The following AMOT variants were observed in gnomAD, a reference collection of about 807,000 sequenced individuals.
AMOT encodes angiomotin.
A neutral mutation model predicts 67.0 loss-of-function variants in AMOT; 11 were observed. The observed-to-expected ratio is 0.16, with a 90% CI of 0.10 to 0.27. AMOT has a LOEUF of 0.27. AMOT is among the 10% of genes least tolerant of loss of function. The pLI is 1.00. For missense variants in AMOT, 753 were observed against 852.0 expected, an observed-to-expected ratio of 0.88 and a Z score of 1.45; for synonymous variants, 326 against 321.4, an observed-to-expected ratio of 1.01 and a Z score of -0.15.
chrX:112,832,566 T>C (rs1396891766), intron 1 of AMOT, among the ~76,000 whole-genome samples, 196 bp from the exon 2 acceptor site: 3 of 111,938 alleles, frequency 2.7e-5, no homozygotes, highest in East Asian at 2.8e-4. Context: ...CTCCACAGAA[T>C]TGCCCCTCCA....
chrX:112,805,939 A>G (rs1414591036), intron 7 of AMOT, among the ~76,000 whole-genome samples: 1 of 111,650 alleles, frequency 9.0e-6, no homozygotes, highest in Non-Finnish European at 1.9e-5. Context: ...CTTTAAGCCT[A>G]TTAGAGTTTG....
rs775417489 is a variant in AMOT at position 112,791,807 on chromosome X, CT to C, written c.1926+24del. 2.1e-3 allele frequency: 2,472 copies of C among 1,195,744 alleles called. 8 individuals carry two copies. The highest frequency in any genetic ancestry group is 1.9e-3 in the Non-Finnish European group (1,728 of 887,703). On this transcript the variant is annotated intron_variant, in intron 9 of 13. Coordinates refer to ENST00000371959, the MANE Select transcript of AMOT (RefSeq NM_001113490.2). ...ATGTCATTTTCTTACTTTTTTTTCC[CT>C]TTCTTCCTTTAAGTTCTCCATACCT...
At chrX:112,811,438 T>C in intron 5 of AMOT, 45 bp from the exon 6 acceptor site, 1 of 1,175,341 alleles carries the variant, frequency 8.5e-7, no homozygotes, top group Non-Finnish European at 1.1e-6. Flanking sequence ...AGGAGGGTGA[T>C]GGGGAAAATG....
chrX:112,827,857 C>G (rs1221803657), intron 2 of AMOT, among the ~76,000 whole-genome samples: 2 of 111,711 alleles, frequency 1.8e-5, no homozygotes, highest in Admixed American at 9.5e-5. Flanking sequence ...CTCTTCTAAA[C>G]CCTCCCACAT....
At chrX:112,784,477 C>A (rs982419047) in intron 10 of AMOT, among the ~76,000 whole-genome samples, 1 of 112,195 alleles carries the variant, frequency 8.9e-6, no homozygotes, top group African/African-American at 3.2e-5. Flanking sequence ...AACCACATAA[C>A]TCAGGAGGCT....
rs532735131 is a variant in AMOT, at chrX:112,804,828, G to T, written c.1776+119C>A. On this transcript the variant is annotated intron_variant, in intron 8 of 13. Coordinates refer to ENST00000371959, the MANE Select transcript of AMOT (RefSeq NM_001113490.2). ...AGCACAGTGGAAACTAGGAGCAGCA[G>T]ATGGCACCTCCCTTCTGGGGATTAT... 1.5e-5 allele frequency: 15 copies of T among 997,892 alleles called. No individual in the cohort carries two copies. In the South Asian group the frequency reaches 3.6e-4, roughly 24 times the overall value. The allele number at this position is 997,892 out of a possible 1,213,427, so 82.2% of individuals were successfully genotyped here. A position where few individuals can be genotyped will look rare whatever the true frequency, so the allele number is the denominator to read the frequency against.
intron 8 of AMOT, among the ~76,000 whole-genome samples, chrX:112,795,248 C>CTCTGTGTGTG (rs1556198664): frequency 9.6e-6 from 1 of 104,196 alleles, no homozygotes; most frequent in Non-Finnish European, 2.0e-5. Context: ...GTCTCTCTCT[C>CTCTGTGTGTG]TGTGTGTGTG....
At chrX:112,809,466 T>C (rs1253496907) in intron 7 of AMOT, among the ~76,000 whole-genome samples, 1 of 111,101 alleles carries the variant, frequency 9.0e-6, no homozygotes, top group African/African-American at 3.3e-5. Flanking sequence ...TAACAATAAA[T>C]ACTAGGGAGC....
rs147756573 is a variant in AMOT, at chrX:112,811,385, T to C, written c.1401A>G (p.Thr467=). 626 of 1,203,445 alleles carry C rather than the reference T, an allele frequency of 5.2e-4. 2 individuals carry two copies. The African/African-American group carries it at 9.8e-3, about 19-fold the overall frequency. Residue 467 remains threonine, a synonymous_variant, in exon 6 of 14, where the codon ACA becomes ACG. Transcript: ENST00000371959. ...ATGCCTCCGAGACGCGCTGGATTTC[T>C]GTCTCCACCTTAACAACAAAAAAAG... is the stretch of plus-strand genomic sequence containing the variant. The part of the protein sequence containing the change: ...EKVARLQKVE[T]EIQRVSEAYE...
intron 2 of AMOT, among the ~76,000 whole-genome samples, chrX:112,829,611 G>T (rs1423979482): frequency 1.8e-5 from 2 of 112,311 alleles, no homozygotes; most frequent in African/African-American, 6.5e-5. Flanking sequence ...CACCCTATTA[G>T]ATTAGGTTGA....
rs185568860 is a variant in AMOT at position 112,821,994 on chromosome X, A to G, written c.872+261T>C. ...GGACAGCAAATAGCTGCTGAAAACA[A>G]GACTTTTGCTCCTGTTCGTCCACTA... is the stretch of plus-strand genomic sequence containing the variant. On this transcript the variant is annotated intron_variant, in intron 4 of 13. Coordinates refer to ENST00000371959, the MANE Select transcript of AMOT (RefSeq NM_001113490.2). Among the ~76,000 whole-genome samples the G allele has an allele frequency of 4.0e-3, 451 of 112,517 alleles. 3 individuals carry two copies. The highest frequency in any genetic ancestry group is 0.013 in the African/African-American group (408 of 30,957).
At chrX:112,786,672 T>C (rs1277293973) in intron 10 of AMOT, among the ~76,000 whole-genome samples, 1 of 112,171 alleles carries the variant, frequency 8.9e-6, no homozygotes, top group African/African-American at 3.2e-5. Context: ...TATTTTACCA[T>C]CTTTGAGCTA....
At position 112,775,673 on chromosome X, in the gene AMOT, C is replaced by A. The variant is rs750656990; in HGVS notation, c.*2894G>T. On this transcript the variant is annotated 3_prime_UTR_variant, in exon 14 of 14. Coordinates refer to ENST00000371959, the MANE Select transcript of AMOT (RefSeq NM_001113490.2). ...ACATGATTTTAAAAGAAAGCTCAAG[C>A]TACTTTTTATTTCAAAAAAAGACTG... 1.8e-5 allele frequency: 2 copies of A among 112,455 alleles called. No individual in the cohort carries two copies. Among genetic ancestry groups the A allele is most frequent in the Non-Finnish European group, 3.8e-5 (2 of 53,257 alleles). The allele number at this position is 112,455 out of a possible 1,213,427, so 9.3% of individuals were successfully genotyped here. A position where few individuals can be genotyped will look rare whatever the true frequency, so the allele number is the denominator to read the frequency against.
intron 8 of AMOT, among the ~76,000 whole-genome samples, chrX:112,792,538 T>C (rs928390790): frequency 1.8e-5 from 2 of 112,200 alleles, no homozygotes; most frequent in Admixed American, 9.4e-5. Context: ...TTTGAAGTCT[T>C]TGGTCCTGGT....
At chrX:112,830,066 C>T (rs1037455505) in intron 2 of AMOT, among the ~76,000 whole-genome samples, 1 of 112,178 alleles carries the variant, frequency 8.9e-6, no homozygotes, top group African/African-American at 3.2e-5. Context: ...TTCATATCTA[C>T]TTATATTTTA....
chrX:112,791,766 T>C lies in AMOT; in HGVS notation c.1926+66A>G. ...TTCATGTCAAATGCTAACTGAAAAA[T>C]AAGCAACCAGGAATAATGTCATTTT... On this transcript the variant is annotated intron_variant, in intron 9 of 13. Coordinates refer to ENST00000371959, the MANE Select transcript of AMOT (RefSeq NM_001113490.2). 5 of 1,164,658 alleles carry C rather than the reference T, an allele frequency of 4.3e-6. No individual in the cohort carries two copies. In the South Asian group the frequency reaches 9.5e-5, roughly 22 times the overall value.
At chrX:112,793,546 C>T (rs1362269706) in intron 8 of AMOT, among the ~76,000 whole-genome samples, 2 of 112,005 alleles carry the variant, frequency 1.8e-5, no homozygotes, top group African/African-American at 6.5e-5. Flanking sequence ...ATGGCCCCCT[C>T]CTCAAATTAG....
chrX:112,836,530 T>A (rs939496513), intron 1 of AMOT, among the ~76,000 whole-genome samples: 7 of 110,985 alleles, frequency 6.3e-5, no homozygotes, highest in Non-Finnish European at 1.9e-5. Flanking sequence ...ACATTGTATA[T>A]ATCTGTGGCT....
At chrX:112,824,078 G>A (rs1244237719) in intron 3 of AMOT, among the ~76,000 whole-genome samples, 3 of 112,019 alleles carry the variant, frequency 2.7e-5, no homozygotes, top group African/African-American at 9.7e-5. Context: ...ACTGATTTTA[G>A]TAACACAATT....
Sources: allele counts gnomAD v4.1 joint callset (sites outside exome capture counted in the v4.1 genomes callset), GRCh38; gene constraint gnomAD v4.1.1; transcripts MANE v1.5; gene names NCBI Gene and HGNC (gene_info 2026-07-23, HGNC 2026-07-21).